The following F8 variants were observed in gnomAD, a reference collection of about 807,000 sequenced individuals.
F8 encodes antihemophilic factor.
A neutral mutation model predicts 140.6 loss-of-function variants in F8; 12 were observed. The ratio of observed to expected loss-of-function variants is 0.09; its 90% CI spans 0.05 to 0.14. The LOEUF is 0.14. Ranked by LOEUF, F8 falls within the 10% of genes least tolerant of loss-of-function variation. The pLI is 1.00. For synonymous variants in F8, 585 were observed against 614.6 expected (o/e 0.95, Z 0.71); for missense variants, 1,354 against 1,720.7 (o/e 0.79, Z 3.77).
intron 10 of F8, among the ~76,000 whole-genome samples, 164 bp downstream of exon 10, chrX:154,960,911 A>G (rs1224066086): frequency 2.7e-5 from 3 of 112,231 alleles, no homozygotes; most frequent in Admixed American, 9.5e-5. Context: ...TACATGAAAC[A>G]TCACCTGAGG....
chrX:154,858,000 A>C (rs1377217716), intron 25 of F8, among the ~76,000 whole-genome samples: 1 of 111,763 alleles, frequency 8.9e-6, no homozygotes, highest in Admixed American at 9.4e-5. Context: ...TTAGCCAGGC[A>C]TGGTGATGCG....
In F8 at chrX:154,837,551, G is replaced by A. The variant is rs989441311; in HGVS notation, c.*46C>T. On this transcript the variant is annotated 3_prime_UTR_variant, in exon 26 of 26. Coordinates refer to ENST00000360256, the MANE Select transcript of F8 (RefSeq NM_000132.4). ...CAGGGAGGGACACTGCCCTGGAGCT[G>A]AGGAGGGAGAGGTGACGGCAGTGGC... is the stretch of plus-strand genomic sequence containing the variant. 8.5e-7 allele frequency: 1 copy of A among 1,175,109 alleles called. No homozygotes were observed. The highest frequency in any genetic ancestry group is 1.1e-6 in the Non-Finnish European group (1 of 873,913).
rs782706432 is a variant in F8 at position 155,013,838 on chromosome X, G to A, written c.143+8572C>T. Among the ~76,000 whole-genome samples, 9 of 111,470 alleles carry A rather than the reference G, an allele frequency of 8.1e-5. No homozygotes were observed. In the Admixed American group the frequency reaches 8.6e-4, roughly 11 times the overall value. ...CCAGCTGGTAGATGGCTGCCTTCTC[G>A]CTGTATGTTCACATGGCTTTTCCTC... On this transcript the variant is annotated intron_variant, in intron 1 of 25. Transcript: ENST00000360256.
At chrX:154,971,228 A>G (rs1418225376) in intron 6 of F8, among the ~76,000 whole-genome samples, 2 of 111,770 alleles carry the variant, frequency 1.8e-5, no homozygotes, top group African/African-American at 6.5e-5. Context: ...ATCTTTTACA[A>G]TATTGCTTAA....
intron 4 of F8, among the ~76,000 whole-genome samples, chrX:154,988,137 C>A (rs912554271): frequency 8.9e-6 from 1 of 111,874 alleles, no homozygotes; most frequent in African/African-American, 3.2e-5. Context: ...TCACTGAATG[C>A]CAACTATTTG....
At chrX:154,857,863 G>T in intron 25 of F8, among the ~76,000 whole-genome samples, 1 of 112,713 alleles carries the variant, frequency 8.9e-6, no homozygotes, top group South Asian at 3.6e-4. Flanking sequence ...GATGGGCCGG[G>T]TGCAGTGGCT....
chrX:154,842,143 G>A (rs1221392076), intron 25 of F8, among the ~76,000 whole-genome samples: 1 of 111,357 alleles, frequency 9.0e-6, no homozygotes, highest in Non-Finnish European at 1.9e-5. Context: ...ATATTAATAA[G>A]TATCCTCATT....
chrX:154,939,862 T>C (rs1234737202), intron 13 of F8, among the ~76,000 whole-genome samples: 1 of 111,934 alleles, frequency 8.9e-6, no homozygotes, highest in Admixed American at 9.4e-5. Flanking sequence ...TTCACCAATA[T>C]CTGCTGTTCT....
At chrX:154,927,787 C>T (rs1179646760) in intron 14 of F8, among the ~76,000 whole-genome samples, 1 of 111,409 alleles carries the variant, frequency 9.0e-6, no homozygotes, top group Admixed American at 9.5e-5. Context: ...TTTCCATTCT[C>T]AGGGCCTTTG....
chrX:154,922,281 T>G (rs782811282), intron 14 of F8, among the ~76,000 whole-genome samples: 1 of 112,489 alleles, frequency 8.9e-6, no homozygotes, highest in South Asian at 3.7e-4. Context: ...GGATGCTGTG[T>G]GACACGATTC....
intron 6 of F8, among the ~76,000 whole-genome samples, chrX:154,979,221 G>A (rs2124122302): frequency 8.9e-6 from 1 of 111,939 alleles, no homozygotes; most frequent in African/African-American, 3.2e-5. Flanking sequence ...GGTTGTGGCT[G>A]CTATGGATCG....
chrX:154,971,981 A>C (rs113862953), intron 6 of F8, among the ~76,000 whole-genome samples: 2,739 of 112,530 alleles, frequency 0.024, 48 homozygotes, highest in Middle Eastern at 0.037. Flanking sequence ...ATGCTGTCAT[A>C]AACATGGGGA....
At chrX:154,986,219 A>C (rs1557284213) in intron 5 of F8, among the ~76,000 whole-genome samples, 1 of 112,795 alleles carries the variant, frequency 8.9e-6, no homozygotes, top group Non-Finnish European at 1.9e-5. Flanking sequence ...AGGAAATGGA[A>C]CACAACAAGG....
chrX:154,951,209 C>G (rs930298717), intron 12 of F8, among the ~76,000 whole-genome samples: 1 of 111,643 alleles, frequency 9.0e-6, no homozygotes, highest in Non-Finnish European at 1.9e-5. Context: ...TGCAATTTCC[C>G]TATCATTTGT....
chrX:154,906,105 T>A (rs782675912), intron 15 of F8, among the ~76,000 whole-genome samples: 1 of 111,924 alleles, frequency 8.9e-6, no homozygotes, highest in Non-Finnish European at 1.9e-5. Flanking sequence ...AATGGTTACA[T>A]AAACTATGGT....
chrX:155,005,805 C>T (rs2073673614), intron 1 of F8, among the ~76,000 whole-genome samples: 1 of 111,925 alleles, frequency 8.9e-6, no homozygotes, highest in African/African-American at 3.3e-5. Flanking sequence ...CAAACTCATG[C>T]CTTATTCCTG....
chrX:154,969,982 A>C (rs2073447551), intron 6 of F8, among the ~76,000 whole-genome samples: 1 of 111,788 alleles, frequency 8.9e-6, no homozygotes, highest in Admixed American at 9.5e-5. Context: ...CACATGTTCA[A>C]AACCAAATTT....
chrX:154,955,840 G>A (rs1557281151), intron 11 of F8, among the ~76,000 whole-genome samples: 1 of 111,850 alleles, frequency 8.9e-6, no homozygotes, highest in East Asian at 2.8e-4. Context: ...GTCCTGCTGT[G>A]CATGCATTGT....
intron 1 of F8, 70 bp downstream of exon 1, chrX:155,022,340 A>G: frequency 8.3e-6 from 9 of 1,088,407 alleles, no homozygotes; most frequent in Non-Finnish European, 1.1e-5. Context: ...CGATGTCTGC[A>G]CCTTCCTCCA....
Sources: gnomAD v4.1 joint callset for allele counts (sites outside exome capture counted in the v4.1 genomes callset) on GRCh38, gnomAD v4.1.1 for gene constraint, MANE v1.5 for transcripts, NCBI Gene and HGNC (gene_info 2026-07-23, HGNC 2026-07-21) for gene names.